UBXN7: variants seen among roughly 807,000 people sequenced by gnomAD.
UBXN7 encodes UBX domain protein 7.
UBXN7 carries 9 observed loss-of-function variants against 58.0 expected under a neutral mutation model. That is an observed-to-expected ratio of 0.16 (90% confidence interval 0.09 to 0.27). The LOEUF is 0.27. UBXN7 is among the 10% of genes least tolerant of loss of function. The pLI is 1.00. For synonymous variants in UBXN7, 208 were observed against 205.0 expected (o/e 1.01, Z -0.12); for missense variants, 328 against 599.6 (o/e 0.55, Z 4.73).
At chr3:196,359,162 ACCTTTTGG>A (rs1728436355) in intron 10 of UBXN7, among the ~76,000 whole-genome samples, 2 of 151,946 alleles carry the variant, frequency 1.3e-5, no homozygotes, top group African/African-American at 2.4e-5. Context: ...TCTCTGTGTC[ACCTTTTGG>A]TAATGCTTGC....
chr3:196,404,091 A>G (rs1311115998), intron 2 of UBXN7, among the ~76,000 whole-genome samples: 1 of 138,204 alleles, frequency 7.2e-6, no homozygotes, highest in African/African-American at 2.5e-5. Flanking sequence ...CTAAAAAAAA[A>G]AAGAAAAAGA....
At chr3:196,385,484 C>A (rs1400668117) in intron 5 of UBXN7, among the ~76,000 whole-genome samples, 1 of 151,618 alleles carries the variant, frequency 6.6e-6, no homozygotes, top group East Asian at 2.0e-4. Flanking sequence ...AAGTGAGGAG[C>A]GTCTCTGCCC....
At chr3:196,356,942 T>C in intron 10 of UBXN7, 96 bp from the exon 11 acceptor site, 2 of 1,412,572 alleles carry the variant, frequency 1.4e-6, no homozygotes, top group Non-Finnish European at 1.9e-6. Context: ...TTAATCATAT[T>C]AGATCAGCTA....
chr3:196,362,194 A>C lies in UBXN7; in HGVS notation c.1228+100T>G, dbSNP rs567986221. 3 of 1,438,562 alleles carry C rather than the reference A, an allele frequency of 2.1e-6. No individual in the cohort carries two copies. In the East Asian group the frequency reaches 6.8e-5, roughly 33 times the overall value. The allele number at this position is 1,438,562 out of a possible 1,614,324, so 89.1% of individuals were successfully genotyped here. On this transcript the variant is annotated intron_variant, in intron 9 of 10. Coordinates refer to ENST00000296328, the MANE Select transcript of UBXN7 (RefSeq NM_015562.2). ...TTTTTAGTAGAGACAGGGTTTTGCC[A>C]TGTTGGCGAGGCTGGTCTTGGAACT...
intron 1 of UBXN7, among the ~76,000 whole-genome samples, chr3:196,413,677 C>T (rs1432810573): frequency 1.3e-5 from 2 of 152,140 alleles, no homozygotes; most frequent in East Asian, 3.9e-4. Flanking sequence ...AGTCTTAGTT[C>T]AAGCCCTCAA....
At chr3:196,393,738 T>C (rs1046512158) in intron 3 of UBXN7, 119 bp from the exon 4 acceptor site, 1 of 929,742 alleles carries the variant, frequency 1.1e-6, no homozygotes, top group Non-Finnish European at 1.6e-6. Context: ...ACGAACTGCA[T>C]GTCACCCTTG....
chr3:196,400,249 T>C (rs746173217), intron 3 of UBXN7: 1 of 152,064 alleles, frequency 6.6e-6, no homozygotes, highest in Non-Finnish European at 1.5e-5. Context: ...GTAAGTTGTT[T>C]TAACTTTACA....
rs1289605801 is a variant in UBXN7, at chr3:196,393,604, C to T, written c.305G>A (p.Arg102Gln). The T allele has an allele frequency of 2.5e-6, 4 of 1,612,066 alleles. No homozygotes were observed. The highest frequency in any genetic ancestry group is 1.3e-5 in the African/African-American group (1 of 74,810). ...EPLFGAPKRR[R>Q]PARSIFDGFR... ...ACCATCAAAAATTGAACGTGCAGGC[C>T]GTCGTCTTTTAGGAGCTTTGGGGAG... The change falls in exon 4 of 11, where the codon CGG (arginine) becomes CAG (glutamine). Residue 102 changes from arginine to glutamine, a missense_variant. Coordinates refer to ENST00000296328, the MANE Select transcript of UBXN7 (RefSeq NM_015562.2).
At chr3:196,399,126 T>C (rs1729875503) in intron 3 of UBXN7, among the ~76,000 whole-genome samples, 2 of 152,290 alleles carry the variant, frequency 1.3e-5, no homozygotes, top group South Asian at 4.1e-4. Context: ...ACTCTAACAA[T>C]CACACAAGTG....
At chr3:196,372,368 G>A (rs1728868966) in intron 5 of UBXN7, among the ~76,000 whole-genome samples, 1 of 126,766 alleles carries the variant, frequency 7.9e-6, no homozygotes, top group African/African-American at 2.9e-5. Flanking sequence ...TTGAGACAGA[G>A]TCTAACTCTA....
At chr3:196,395,386 A>G (rs964358930) in intron 3 of UBXN7, among the ~76,000 whole-genome samples, 1 of 152,206 alleles carries the variant, frequency 6.6e-6, no homozygotes, top group East Asian at 1.9e-4. Flanking sequence ...GTATGTTTTT[A>G]TGTTAAACAA....
intron 5 of UBXN7, among the ~76,000 whole-genome samples, chr3:196,377,658 T>C (rs749002967): frequency 2.6e-4 from 40 of 151,998 alleles, no homozygotes; most frequent in Non-Finnish European, 4.9e-4. Context: ...TCCCTTATTG[T>C]ATTTTATTCT....
At position 196,351,703 on chromosome 3, in the gene UBXN7, G is replaced by C. The variant is rs1018992952; in HGVS notation, c.*4982C>G. 6.6e-6 allele frequency: 1 copy of C among 152,178 alleles called. No individual in the cohort carries two copies. Among genetic ancestry groups the C allele is most frequent in the Non-Finnish European group, 1.5e-5 (1 of 68,034 alleles). 9.4% of individuals were successfully genotyped at this position (152,178 alleles called of 1,614,324 possible). On this transcript the variant is annotated 3_prime_UTR_variant, in exon 11 of 11. Coordinates refer to ENST00000296328, the MANE Select transcript of UBXN7 (RefSeq NM_015562.2). ...CGAGAAACCAGAGATTAAGAAGAAA[G>C]AGAAGTGTGAAGGTAACAACTAGCA...
chr3:196,386,009 A>T (rs1729379566), intron 5 of UBXN7, among the ~76,000 whole-genome samples: 1 of 152,166 alleles, frequency 6.6e-6, no homozygotes, highest in Non-Finnish European at 1.5e-5. Context: ...TGGACATAGG[A>T]GACTCCATTT....
At chr3:196,373,280 T>G (rs1465333898) in intron 5 of UBXN7, among the ~76,000 whole-genome samples, 1 of 152,222 alleles carries the variant, frequency 6.6e-6, no homozygotes, top group Non-Finnish European at 1.5e-5. Flanking sequence ...GGTCAAAGAA[T>G]GTTTGAGAAT....
At chr3:196,362,198 T>C (rs995233569) in intron 9 of UBXN7, 96 bp downstream of exon 9, 9 of 1,452,904 alleles carry the variant, frequency 6.2e-6, no homozygotes, top group Admixed American at 4.5e-5. Context: ...TTTGCCATGT[T>C]GGCGAGGCTG....
rs1728170563 is a variant in UBXN7, at chr3:196,349,797, C to T, written c.*6888G>A. Reference sequence around the variant, plus strand: ...ATTTATCTAATGATTTGATATGTTTCCCATTTATCATGTCTAAAAAATGAA... The same window carrying T: ...ATTTATCTAATGATTTGATATGTTTTCCATTTATCATGTCTAAAAAATGAA... On this transcript the variant is annotated 3_prime_UTR_variant, in exon 11 of 11. Transcript: ENST00000296328. 6.6e-6 allele frequency: 1 copy of T among 152,176 alleles called. No individual in the cohort carries two copies. Among genetic ancestry groups the T allele is most frequent in the South Asian group, 2.1e-4 (1 of 4,834 alleles). The allele number at this position is 152,176 out of a possible 1,614,324, so 9.4% of individuals were successfully genotyped here.
At chr3:196,415,431 C>A (rs1437625247) in intron 1 of UBXN7, among the ~76,000 whole-genome samples, 1 of 147,486 alleles carries the variant, frequency 6.8e-6, no homozygotes, top group Non-Finnish European at 1.5e-5. Flanking sequence ...GGATTACAGG[C>A]GTGAGCCACC....
intron 5 of UBXN7, among the ~76,000 whole-genome samples, chr3:196,383,111 A>G (rs1729262009): frequency 6.6e-6 from 1 of 150,838 alleles, no homozygotes; most frequent in South Asian, 2.1e-4. Context: ...GCAAGACTCC[A>G]TCTCCAAAAA....
Sources: gnomAD v4.1 joint callset for allele counts (sites outside exome capture counted in the v4.1 genomes callset) on GRCh38, gnomAD v4.1.1 for gene constraint, MANE v1.5 for transcripts, NCBI Gene and HGNC (gene_info 2026-07-23, HGNC 2026-07-21) for gene names.